The following ILF2 variants were observed in gnomAD, a reference collection of about 807,000 sequenced individuals.
ILF2 encodes the protein interleukin enhancer binding factor 2.
A neutral mutation model predicts 55.3 loss-of-function variants in ILF2; 9 were observed. The ratio of observed to expected loss-of-function variants is 0.16; its 90% CI spans 0.10 to 0.28. ILF2 has a LOEUF of 0.28. ILF2 is among the 10% of genes least tolerant of loss of function. The pLI, the probability that ILF2 is intolerant of heterozygous loss-of-function variation, is 1.00. For synonymous variants in ILF2, 151 were observed against 161.8 expected, an observed-to-expected ratio of 0.93 and a Z score of 0.50; for missense variants, 266 against 474.9, an observed-to-expected ratio of 0.56 and a Z score of 4.09.
rs1669195747 is a variant in ILF2 at position 153,662,520 on chromosome 1, A to G, written c.1049T>C (p.Ile350Thr). The G allele has an allele frequency of 1.2e-6, 2 of 1,614,080 alleles. No homozygotes were observed. The highest frequency in any genetic ancestry group is 1.3e-5 in the African/African-American group (1 of 75,034). ...ATAAGCCTTTTCTGAAGGTGTTACTATCACTCCATCCCAGGTAGATATTTC... is the reference window on the plus strand; with the variant it reads ...ATAAGCCTTTTCTGAAGGTGTTACTGTCACTCCATCCCAGGTAGATATTTC... The part of the protein sequence containing the change: ...ASEISTWDGV[I>T]VTPSEKAYEK... Residue 350 changes from isoleucine to threonine, a missense_variant, in exon 14 of 14, where the codon ATA (isoleucine) becomes ACA (threonine). Ile to Thr is a moderately conservative substitution (Grantham distance 89). Transcript: ENST00000361891.
At chr1:153,664,190 G>T in intron 9 of ILF2, 60 bp from the exon 10 acceptor site, 1 of 1,137,512 alleles carries the variant, frequency 8.8e-7, no homozygotes, top group Non-Finnish European at 1.3e-6. Context: ...CCATGCCTAA[G>T]GTAGAATTGA....
At chr1:153,666,592 T>G (rs968618502) in intron 6 of ILF2, among the ~76,000 whole-genome samples, 1 of 151,024 alleles carries the variant, frequency 6.6e-6, no homozygotes, top group African/African-American at 2.4e-5. Context: ...GGTCAAGTGA[T>G]CCTCTTGCCT....
Position 153,668,507 on chromosome 1 carries a change from G to C in ILF2, c.159C>G (p.Phe53Leu). ...RVKPAPDETS[F>L]SEALLKRNQD... ...GATTCCTCTTCAGCAAGGCCTCACTGAAGGAAGTTTCATCAGGTGCTGGCT... is the reference window on the plus strand; with the variant it reads ...GATTCCTCTTCAGCAAGGCCTCACTCAAGGAAGTTTCATCAGGTGCTGGCT... The change falls in exon 4 of 14, where the codon TTC (phenylalanine) becomes TTG (leucine). Residue 53 changes from phenylalanine to leucine, a missense_variant. By Grantham distance (22) the Phe-to-Leu change is conservative. Transcript: ENST00000361891. 1 of 1,614,184 alleles carries C rather than the reference G, an allele frequency of 6.2e-7. No individual in the cohort carries two copies. The highest frequency in any genetic ancestry group is 8.5e-7 in the Non-Finnish European group (1 of 1,180,000).
intron 6 of ILF2, among the ~76,000 whole-genome samples, chr1:153,667,034 A>G (rs1334529678): frequency 6.6e-6 from 1 of 152,224 alleles, no homozygotes; most frequent in East Asian, 1.9e-4. Flanking sequence ...AGGCAGGAAA[A>G]CAGCTAGAAC....
intron 2 of ILF2, 63 bp downstream of exon 2, chr1:153,670,108 C>T: frequency 6.6e-7 from 1 of 1,518,948 alleles, no homozygotes; most frequent in Non-Finnish European, 9.1e-7. Flanking sequence ...CTCTAAAACT[C>T]CTATTTAGAT....
chr1:153,667,371 G>T, intron 6 of ILF2, 184 bp downstream of exon 6: 1 of 628,452 alleles, frequency 1.6e-6, no homozygotes, highest in East Asian at 2.6e-5. Context: ...CCAGCTACTC[G>T]GGAGGCTAAG....
At position 153,667,904 on chromosome 1, in the gene ILF2, G is replaced by A. The variant is rs899912410; in HGVS notation, c.291+96C>T. 1.0e-5 allele frequency: 9 copies of A among 889,986 alleles called. No individual in the cohort carries two copies. The African/African-American group carries it at 1.5e-4, about 15-fold the overall frequency. 55.1% of individuals were successfully genotyped at this position (889,986 alleles called of 1,614,324 possible). On this transcript the variant is annotated intron_variant, in intron 5 of 13. Transcript: ENST00000361891. ...ACTTTCTCATTTTAGGCTTGGCTTT[G>A]GATAATAGACAACTGAAAATTAAAA... is the stretch of plus-strand genomic sequence containing the variant.
At chr1:153,669,189 T>C (rs1424262376) in intron 3 of ILF2, among the ~76,000 whole-genome samples, 3 of 151,754 alleles carry the variant, frequency 2.0e-5, no homozygotes, top group Non-Finnish European at 4.4e-5. Flanking sequence ...TGAGCCAAGA[T>C]TGCACCACTG....
intron 10 of ILF2, 114 bp from the exon 11 acceptor site, chr1:153,663,390 G>T: frequency 1.0e-6 from 1 of 956,990 alleles, no homozygotes. Context: ...GTGCAGTGGC[G>T]CAATCATAGT....
At chr1:153,668,287 A>G (rs1669359095) in intron 4 of ILF2, among the ~76,000 whole-genome samples, 166 bp downstream of exon 4, 1 of 152,224 alleles carries the variant, frequency 6.6e-6, no homozygotes, top group Admixed American at 6.5e-5. Context: ...TTGTTTATAT[A>G]TCCACCTGGC....
At position 153,662,787 on chromosome 1, in the gene ILF2, G is replaced by T; in HGVS notation, c.930C>A (p.Val310=). The T allele has an allele frequency of 6.2e-7, 1 of 1,613,916 alleles. No individual in the cohort carries two copies. Among genetic ancestry groups the T allele is most frequent in the South Asian group, 1.1e-5 (1 of 91,030 alleles). Residue 310 remains valine, a synonymous_variant, in exon 13 of 14, where the codon GTC becomes GTA. Coordinates refer to ENST00000361891, the MANE Select transcript of ILF2 (RefSeq NM_004515.4). ...TVMTLEQQDM[V]CYTAQTLVRI... is the part of the protein sequence containing the mutation. ...GGACGAGAGTCTGAGCTGTATAGCA[G>T]ACCATGTCCTGAAGGAAAGCAAAGT...
intron 8 of ILF2, among the ~76,000 whole-genome samples, chr1:153,664,682 C>A (rs1272314104): frequency 1.3e-5 from 2 of 152,176 alleles, no homozygotes; most frequent in Non-Finnish European, 2.9e-5. Context: ...GCCTCAGCCT[C>A]CTGAGTAGCT....
intron 5 of ILF2, 143 bp from the exon 6 acceptor site, chr1:153,667,800 A>G (rs1669349181): frequency 1.4e-6 from 1 of 692,252 alleles, no homozygotes; most frequent in South Asian, 1.8e-5. Flanking sequence ...CACCACATGA[A>G]AGCCTGATAC....
chr1:153,666,709 G>C (rs1365827109), intron 6 of ILF2, among the ~76,000 whole-genome samples: 3 of 152,184 alleles, frequency 2.0e-5, no homozygotes, highest in Non-Finnish European at 4.4e-5. Flanking sequence ...GCCAGATACT[G>C]CCAGATATCC....
chr1:153,666,553 T>C (rs1669312345), intron 6 of ILF2, among the ~76,000 whole-genome samples: 1 of 151,902 alleles, frequency 6.6e-6, no homozygotes, highest in Admixed American at 6.6e-5. Context: ...AGGATCTCTC[T>C]ATGTTATACA....
intron 3 of ILF2, 128 bp from the exon 4 acceptor site, chr1:153,668,685 T>G: frequency 8.7e-7 from 1 of 1,151,880 alleles, no homozygotes; most frequent in South Asian, 1.7e-5. Flanking sequence ...ACTGCTTAAT[T>G]TGTTCAATTA....
At chr1:153,670,007 T>A (rs1669404936) in intron 2 of ILF2, 129 bp from the exon 3 acceptor site, 1 of 1,098,886 alleles carries the variant, frequency 9.1e-7, no homozygotes, top group South Asian at 1.3e-5. Context: ...AGGGAAAGAA[T>A]CATTCTTAGC....
intron 8 of ILF2, among the ~76,000 whole-genome samples, chr1:153,664,893 A>G (rs1669270201): frequency 6.6e-6 from 1 of 152,180 alleles, no homozygotes; most frequent in East Asian, 1.9e-4. Flanking sequence ...TGTGTTTCTC[A>G]TATCAGCAAA....
At chr1:153,666,562 C>T (rs1360182513) in intron 6 of ILF2, among the ~76,000 whole-genome samples, 1 of 152,118 alleles carries the variant, frequency 6.6e-6, no homozygotes, top group Non-Finnish European at 1.5e-5. Flanking sequence ...CTATGTTATA[C>T]AGGCTGGTCA....
Sources: allele counts gnomAD v4.1 joint callset (sites outside exome capture counted in the v4.1 genomes callset), GRCh38; gene constraint gnomAD v4.1.1; transcripts MANE v1.5; gene names NCBI Gene and HGNC (gene_info 2026-07-23, HGNC 2026-07-21).